Variants in MARCHF3 observed in about 807,000 individuals in gnomAD.
The protein encoded by MARCHF3 is membrane associated ring-CH-type finger 3.
A neutral mutation model predicts 24.2 loss-of-function variants in MARCHF3; 13 were observed. That is an observed-to-expected ratio of 0.54 (90% CI 0.35 to 0.85). The LOEUF is 0.85. MARCHF3 is among the 40% of genes least tolerant of loss of function. The probability of loss-of-function intolerance (pLI) is 0.01; values close to 1 mark genes in which losing one functional copy is unlikely to be tolerated. For missense variants in MARCHF3, 276 were observed against 325.0 expected (o/e 0.85, Z 1.16); for synonymous variants, 144 against 137.3 (o/e 1.05, Z -0.34).
chr5:126,923,092 T>C (rs181715019), intron 1 of MARCHF3, among the ~76,000 whole-genome samples: 7 of 152,280 alleles, frequency 4.6e-5, no homozygotes, highest in Admixed American at 2.0e-4. Flanking sequence ...CAAACCACCA[T>C]GGCACACATT....
chr5:126,964,075 C>A (rs1417430218), intron 1 of MARCHF3, among the ~76,000 whole-genome samples: 1 of 152,174 alleles, frequency 6.6e-6, no homozygotes, highest in Non-Finnish European at 1.5e-5. Context: ...TTGACAAAGT[C>A]AGAAAGATCT....
chr5:126,994,866 AAGGCCCAAGAG>A (rs1271279249), intron 1 of MARCHF3, among the ~76,000 whole-genome samples: 1 of 152,236 alleles, frequency 6.6e-6, no homozygotes, highest in Non-Finnish European at 1.5e-5. Context: ...CCGGTGGCCG[AAGGCCCAAGAG>A]CTGCTGGTTT....
At chr5:126,906,115 C>G (rs1277224889) in intron 3 of MARCHF3, among the ~76,000 whole-genome samples, 2 of 120,762 alleles carry the variant, frequency 1.7e-5, no homozygotes, top group Non-Finnish European at 3.6e-5. Context: ...TGCTGGATTA[C>G]ATTTATTGAT....
chr5:126,931,737 C>T (rs1749486262), intron 1 of MARCHF3, among the ~76,000 whole-genome samples: 1 of 152,050 alleles, frequency 6.6e-6, no homozygotes, highest in African/African-American at 2.4e-5. Flanking sequence ...ATGAGGATAA[C>T]AGAAGGAAAA....
intron 1 of MARCHF3, among the ~76,000 whole-genome samples, chr5:126,933,471 G>A (rs1749540438): frequency 6.8e-6 from 1 of 148,124 alleles, no homozygotes; most frequent in South Asian, 2.1e-4. Context: ...TTGAGACAGA[G>A]TCTCGCTGTG....
intron 1 of MARCHF3, among the ~76,000 whole-genome samples, chr5:126,974,197 G>A (rs754099208): frequency 5.9e-5 from 9 of 152,046 alleles, no homozygotes; most frequent in African/African-American, 1.9e-4. Flanking sequence ...GCGCCCGGCC[G>A]CAAAATCTAT....
intron 1 of MARCHF3, among the ~76,000 whole-genome samples, chr5:126,940,549 G>A (rs928619620): frequency 3.9e-5 from 6 of 151,986 alleles, no homozygotes; most frequent in Admixed American, 3.9e-4. Flanking sequence ...ACAGATTCAA[G>A]CAATTCTCCT....
chr5:126,904,104 A>G (rs552126556), intron 3 of MARCHF3, among the ~76,000 whole-genome samples: 2 of 150,100 alleles, frequency 1.3e-5, no homozygotes, highest in African/African-American at 2.5e-5. Flanking sequence ...GAGAATGATG[A>G]TTTCCAATTT....
chr5:126,952,280 G>T (rs1750270157), intron 1 of MARCHF3, among the ~76,000 whole-genome samples: 1 of 152,104 alleles, frequency 6.6e-6, no homozygotes, highest in Non-Finnish European at 1.5e-5. Context: ...TTTATTAGGG[G>T]GAGGGGAGGG....
At chr5:126,983,550 G>A (rs1010115554) in intron 1 of MARCHF3, among the ~76,000 whole-genome samples, 2 of 152,190 alleles carry the variant, frequency 1.3e-5, no homozygotes, top group Non-Finnish European at 2.9e-5. Context: ...CTGTCAGCAG[G>A]CTCAGAATGC....
In MARCHF3 at chr5:127,000,437, C is replaced by G. The variant is rs1041265600; in HGVS notation, c.-57+29913G>C. On this transcript the variant is annotated intron_variant, in intron 1 of 4. Transcript: ENST00000308660. ...GCAGAGCCAAGGGGGTTCGAGGTCC[C>G]TCTATGATCCCTTACACCCCCAGAT... is the stretch of plus-strand genomic sequence containing the variant. Among the ~76,000 whole-genome samples the G allele has an allele frequency of 2.0e-5, 3 of 152,138 alleles. No homozygotes were observed. In the South Asian group the frequency reaches 6.2e-4, roughly 31 times the overall value.
At chr5:126,956,592 C>A (rs1162185903) in intron 1 of MARCHF3, among the ~76,000 whole-genome samples, 3 of 143,388 alleles carry the variant, frequency 2.1e-5, no homozygotes, top group African/African-American at 7.9e-5. Context: ...TTGCAGTGAG[C>A]CAAGATTGCG....
At chr5:126,984,393 G>T (rs1051053487) in intron 1 of MARCHF3, among the ~76,000 whole-genome samples, 5 of 152,146 alleles carry the variant, frequency 3.3e-5, no homozygotes, top group Admixed American at 3.3e-4. Context: ...AAGCAGGTTA[G>T]GTCCAGCCAA....
At chr5:126,993,965 TAG>T (rs1344083260) in intron 1 of MARCHF3, among the ~76,000 whole-genome samples, 2 of 152,212 alleles carry the variant, frequency 1.3e-5, no homozygotes, top group African/African-American at 4.8e-5. Context: ...AGCAGCATCT[TAG>T]AGAGTTGAAC....
chr5:126,881,447 C>T (rs796868031), intron 3 of MARCHF3, among the ~76,000 whole-genome samples: 7 of 152,092 alleles, frequency 4.6e-5, no homozygotes, highest in South Asian at 2.1e-4. Context: ...ATCCATATAT[C>T]GACACAGAAT....
intron 1 of MARCHF3, among the ~76,000 whole-genome samples, chr5:126,962,118 T>C (rs1451030985): frequency 1.3e-5 from 2 of 152,158 alleles, no homozygotes. Flanking sequence ...AATATATGGG[T>C]CTATGACATT....
chr5:126,922,744 C>T (rs1580647007), intron 1 of MARCHF3, among the ~76,000 whole-genome samples: 2 of 151,972 alleles, frequency 1.3e-5, no homozygotes, highest in African/African-American at 2.4e-5. Context: ...GACGGAGTTT[C>T]GCCATGTTAG....
intron 1 of MARCHF3, among the ~76,000 whole-genome samples, chr5:127,023,606 C>T (rs999297632): frequency 1.4e-4 from 21 of 151,680 alleles, no homozygotes; most frequent in South Asian, 6.2e-4. Context: ...GTGGTGCATG[C>T]GTGTAATCCC....
chr5:126,888,466 A>G (rs963345551), intron 3 of MARCHF3, among the ~76,000 whole-genome samples: 52 of 152,366 alleles, frequency 3.4e-4, no homozygotes, highest in African/African-American at 1.3e-3. Flanking sequence ...ACAGGATTAG[A>G]TGGCAAATCA....
Sources: allele counts gnomAD v4.1 joint callset (sites outside exome capture counted in the v4.1 genomes callset), GRCh38; gene constraint gnomAD v4.1.1; transcripts MANE v1.5; gene names NCBI Gene and HGNC (gene_info 2026-07-23, HGNC 2026-07-21).